The following CBFA2T2 variants were observed in gnomAD, a reference collection of about 807,000 sequenced individuals.
The protein encoded by CBFA2T2 is protein CBFA2T2.
A neutral mutation model predicts 62.2 loss-of-function variants in CBFA2T2; 11 were observed. That is an observed-to-expected ratio of 0.18 (90% confidence interval 0.11 to 0.29). The LOEUF (loss-of-function observed/expected upper bound fraction) is 0.29, where lower values mean the gene tolerates loss of function less well. CBFA2T2 is among the 10% of genes least tolerant of loss of function. The pLI is 1.00. For missense variants in CBFA2T2, 592 were observed against 774.1 expected, an observed-to-expected ratio of 0.76 and a Z score of 2.79; for synonymous variants, 295 against 287.5, an observed-to-expected ratio of 1.03 and a Z score of -0.27.
chr20:33,565,097 T>G (rs2013250055), intron 1 of CBFA2T2, among the ~76,000 whole-genome samples: 1 of 152,096 alleles, frequency 6.6e-6, no homozygotes, highest in South Asian at 2.1e-4. Context: ...TTTTTTGTAT[T>G]TTTAGTAGAG....
At chr20:33,509,315 C>T (rs2011463171) in intron 1 of CBFA2T2, among the ~76,000 whole-genome samples, 1 of 151,712 alleles carries the variant, frequency 6.6e-6, no homozygotes, top group African/African-American at 2.4e-5. Context: ...TGCAATGAGT[C>T]AAGATTGCAC....
intron 6 of CBFA2T2, among the ~76,000 whole-genome samples, chr20:33,627,096 A>G (rs1195674428): frequency 1.3e-5 from 2 of 152,082 alleles, no homozygotes; most frequent in African/African-American, 4.8e-5. Context: ...TCTTTTATCT[A>G]TTAAAAACTG....
chr20:33,623,262 GT>G lies in CBFA2T2; in HGVS notation c.659del (p.Val220GlyfsTer50). ...PADSSELLME[V>X]HGNGKRPSPE... is the part of the protein sequence containing the mutation. ...TGACTCGTCAGAGTTGCTCATGGAG[GT>G]GCACGGAAATGGGAAGAGGCCCAGT... On this transcript the variant is annotated frameshift_variant, in exon 5 of 11. Coordinates refer to ENST00000342704, the MANE Select transcript of CBFA2T2 (RefSeq NM_001032999.3). LOFTEE classifies it high-confidence loss of function. The G allele has an allele frequency of 6.2e-7, 1 of 1,614,260 alleles. No individual in the cohort carries two copies.
At chr20:33,587,991 T>G (rs2014453500) in intron 1 of CBFA2T2, among the ~76,000 whole-genome samples, 1 of 152,218 alleles carries the variant, frequency 6.6e-6, no homozygotes, top group South Asian at 2.1e-4. Flanking sequence ...ATCCTCCCAT[T>G]GAAAGGGAAG....
chr20:33,576,586 G>A (rs979786250), intron 1 of CBFA2T2, among the ~76,000 whole-genome samples: 1 of 152,222 alleles, frequency 6.6e-6, no homozygotes, highest in Non-Finnish European at 1.5e-5. Flanking sequence ...AGATAAGAAG[G>A]TCTTTTTTTC....
chr20:33,497,354 C>T (rs912230265), intron 1 of CBFA2T2, among the ~76,000 whole-genome samples: 11 of 150,302 alleles, frequency 7.3e-5, no homozygotes, highest in African/African-American at 2.4e-4. Context: ...GTTTTTGTTC[C>T]CTTTGGTTGT....
chr20:33,499,270 A>G (rs984233549), intron 1 of CBFA2T2, among the ~76,000 whole-genome samples: 5 of 152,178 alleles, frequency 3.3e-5, no homozygotes, highest in East Asian at 1.9e-4. Context: ...TCACCTGCCA[A>G]TTTTGTTCTC....
At chr20:33,573,014 T>C (rs2146904640) in intron 1 of CBFA2T2, among the ~76,000 whole-genome samples, 1 of 152,268 alleles carries the variant, frequency 6.6e-6, no homozygotes, top group East Asian at 1.9e-4. Context: ...TCTGAACTTG[T>C]TGATAGATTG....
At position 33,623,299 on chromosome 20, in the gene CBFA2T2, G is replaced by A. The variant is rs2016068388; in HGVS notation, c.692+3G>A. The stretch of plus-strand genomic sequence containing the variant: ...GGGAAGAGGCCCAGTCCAGAGAGGT[G>A]AGCAGATGAGCTTTGCTGTCCTTGC... On this transcript the variant is annotated splice_donor_region_variant and intron_variant, in intron 5 of 10. Transcript: ENST00000342704. 6.2e-7 allele frequency: 1 copy of A among 1,614,150 alleles called. No individual in the cohort carries two copies. The highest frequency in any genetic ancestry group is 1.1e-5 in the South Asian group (1 of 91,070).
At chr20:33,576,315 A>T (rs957971886) in intron 1 of CBFA2T2, among the ~76,000 whole-genome samples, 16 of 152,198 alleles carry the variant, frequency 1.1e-4, no homozygotes, top group African/African-American at 3.9e-4. Context: ...ATAAAAGTAG[A>T]TACTGGAACT....
intron 1 of CBFA2T2, among the ~76,000 whole-genome samples, chr20:33,513,462 C>G (rs1211724952): frequency 3.3e-5 from 5 of 151,336 alleles, no homozygotes; most frequent in African/African-American, 1.2e-4. Context: ...CAGGTTCAAG[C>G]GATTCTCCTG....
Position 33,498,251 on chromosome 20 carries a change from T to C in CBFA2T2, c.34+7950T>C, listed in dbSNP as rs188740812. ...CTGGCCCAGTTAATTTTCTTTCTTT[T>C]TTTTTTTTTTTTGAGATGGAGTTTC... On this transcript the variant is annotated intron_variant, in intron 1 of 10. Transcript: ENST00000342704. Among the ~76,000 whole-genome samples, 471 of 151,002 alleles carry C rather than the reference T, an allele frequency of 3.1e-3. 2 individuals carry two copies. Among genetic ancestry groups the C allele is most frequent in the African/African-American group, 9.0e-3 (371 of 41,274 alleles).
intron 3 of CBFA2T2, among the ~76,000 whole-genome samples, chr20:33,618,877 A>G (rs2015816785): frequency 6.6e-6 from 1 of 152,192 alleles, no homozygotes; most frequent in African/African-American, 2.4e-5. Context: ...CCTCAATATC[A>G]GGGATCAGAG....
intron 2 of CBFA2T2, among the ~76,000 whole-genome samples, chr20:33,609,345 A>T (rs548857445): frequency 1.3e-5 from 2 of 152,222 alleles, no homozygotes; most frequent in African/African-American, 4.8e-5. Flanking sequence ...TACTAAAAAT[A>T]CAAAAAATTA....
intron 1 of CBFA2T2, among the ~76,000 whole-genome samples, chr20:33,498,194 G>A (rs1028081615): frequency 1.3e-5 from 2 of 151,180 alleles, no homozygotes; most frequent in African/African-American, 2.4e-5. Context: ...GCCTCCCAAC[G>A]TGCTGGCATT....
Position 33,490,309 on chromosome 20 carries a change from G to T in CBFA2T2, c.34+8G>T. 7.8e-7 allele frequency: 1 copy of T among 1,284,598 alleles called. No individual in the cohort carries two copies. The highest frequency in any genetic ancestry group is 2.9e-5 in the East Asian group (1 of 34,136). 79.6% of individuals were successfully genotyped at this position (1,284,598 alleles called of 1,614,324 possible). A position where few individuals can be genotyped will look rare whatever the true frequency, so the allele number is the denominator to read the frequency against. ...GAGCGGCCGCCTTCCAGCGTAAGTG[G>T]GGCGTGAATGCGGGCGGCCGAGGGG... On this transcript the variant is annotated splice_region_variant and intron_variant, in intron 1 of 10. Transcript: ENST00000342704.
intron 1 of CBFA2T2, among the ~76,000 whole-genome samples, chr20:33,581,502 C>T (rs1023562714): frequency 6.8e-6 from 1 of 147,370 alleles, no homozygotes; most frequent in Non-Finnish European, 1.5e-5. Context: ...GTGTGTGTGT[C>T]TGTGTGTTTG....
chr20:33,553,504 T>A (rs2012798480), intron 1 of CBFA2T2, among the ~76,000 whole-genome samples: 2 of 152,248 alleles, frequency 1.3e-5, no homozygotes, highest in Admixed American at 1.3e-4. Context: ...AGTGCTGGGA[T>A]TACAGGCGTG....
intron 1 of CBFA2T2, among the ~76,000 whole-genome samples, chr20:33,509,013 C>T (rs1167502856): frequency 1.3e-5 from 2 of 152,164 alleles, no homozygotes; most frequent in East Asian, 3.8e-4. Context: ...CATGTGAACC[C>T]TCTTCACAGT....
Sources: allele counts gnomAD v4.1 joint callset (sites outside exome capture counted in the v4.1 genomes callset), GRCh38; gene constraint gnomAD v4.1.1; transcripts MANE v1.5; gene names NCBI Gene and HGNC (gene_info 2026-07-23, HGNC 2026-07-21).